The following VWF variants were observed in gnomAD, a reference collection of about 807,000 sequenced individuals.
The protein encoded by VWF is von Willebrand factor.
VWF carries 176 observed loss-of-function variants against 308.6 expected under a neutral mutation model. The ratio of observed to expected loss-of-function variants is 0.57; its 90% CI spans 0.50 to 0.65. The LOEUF is 0.65. VWF is among the 30% of genes least tolerant of loss of function. The pLI is 0.00. For synonymous variants in VWF, 1,385 were observed against 1,443.4 expected, an observed-to-expected ratio of 0.96 and a Z score of 0.92; for missense variants, 3,146 against 3,648.2, an observed-to-expected ratio of 0.86 and a Z score of 3.55.
At chr12:5,992,274 G>A (rs770073030) in intron 37 of VWF, among the ~76,000 whole-genome samples, 3 of 152,222 alleles carry the variant, frequency 2.0e-5, no homozygotes, top group Non-Finnish European at 4.4e-5. Flanking sequence ...CCAATGAACT[G>A]TAAAAGAAAG....
intron 5 of VWF, among the ~76,000 whole-genome samples, chr12:6,106,352 T>G (rs1160448038): frequency 6.6e-6 from 1 of 152,180 alleles, no homozygotes; most frequent in Non-Finnish European, 1.5e-5. Flanking sequence ...AGACAAATGC[T>G]GTATGATTCC....
At chr12:6,104,815 G>A (rs1196082287) in intron 5 of VWF, among the ~76,000 whole-genome samples, 1 of 152,154 alleles carries the variant, frequency 6.6e-6, no homozygotes, top group Non-Finnish European at 1.5e-5. Context: ...TATTTATTGT[G>A]CATTATTCAC....
chr12:6,022,117 C>T, intron 26 of VWF, 82 bp from the exon 27 acceptor site: 3 of 1,584,562 alleles, frequency 1.9e-6, no homozygotes, highest in Non-Finnish European at 8.7e-7. Context: ...AAGGGAGGAG[C>T]CAACTCCTCC....
Position 6,121,225 on chromosome 12 carries a change from A to T in VWF, c.169T>A (p.Cys57Ser), listed in dbSNP as rs779874391. ...DGSMYSFAGY[C>S]SYLLAGGCQK... ...CAGCCCCCTGCCAGGAGGTAACTGC[A>T]GTATCCCGCAAAGCTGTACATGCTC... The change falls in exon 3 of 52, where the codon TGC (cysteine) becomes AGC (serine). Residue 57 changes from cysteine (C) to serine (S), a missense_variant. This residue lies in a region of VWF where 1,304 missense variants were observed against 1,353.0 expected (regional missense o/e 0.96). Coordinates refer to ENST00000261405, the MANE Select transcript of VWF (RefSeq NM_000552.5). 1.2e-6 allele frequency: 2 copies of T among 1,614,238 alleles called. No individual in the cohort carries two copies. Among genetic ancestry groups the T allele is most frequent in the South Asian group, 2.2e-5 (2 of 91,090 alleles).
intron 19 of VWF, among the ~76,000 whole-genome samples, chr12:6,036,092 T>C (rs1038630605): frequency 2.0e-5 from 3 of 152,242 alleles, no homozygotes; most frequent in Non-Finnish European, 4.4e-5. Context: ...ATTATGTATA[T>C]GCAAATATTT....
At chr12:6,103,958 A>C (rs1945212345) in intron 5 of VWF, among the ~76,000 whole-genome samples, 1 of 152,250 alleles carries the variant, frequency 6.6e-6, no homozygotes, top group South Asian at 2.1e-4. Context: ...AGCAAAAGAA[A>C]TCATCAACAG....
chr12:6,001,245 A>C (rs933027051), intron 34 of VWF, among the ~76,000 whole-genome samples: 1 of 152,228 alleles, frequency 6.6e-6, no homozygotes, highest in Non-Finnish European at 1.5e-5. Flanking sequence ...TAAATGAAAA[A>C]TATATAACAA....
In VWF at chr12:6,036,675, A is replaced by T. The variant is rs560733296; in HGVS notation, c.2443-184T>A. Among the ~76,000 whole-genome samples the T allele has an allele frequency of 3.2e-4, 48 of 152,290 alleles. 1 individual carries two copies. Among genetic ancestry groups the T allele is most frequent in the Admixed American group, 3.1e-3 (48 of 15,294 alleles). ...CACTGCAGGCCAAGCCAGGACAGGG[A>T]TCCTATGCCCAGGCCAGGGCTTGGC... On this transcript the variant is annotated intron_variant, in intron 18 of 51. Transcript: ENST00000261405.
chr12:6,048,865 C>G (rs1944476350), intron 16 of VWF, among the ~76,000 whole-genome samples: 1 of 152,216 alleles, frequency 6.6e-6, no homozygotes, highest in Non-Finnish European at 1.5e-5. Flanking sequence ...CGTGCAGAAC[C>G]CGTGCCTTCT....
chr12:6,023,513 A>G (rs568515089), intron 25 of VWF, 118 bp downstream of exon 25: 1 of 1,476,352 alleles, frequency 6.8e-7, no homozygotes, highest in African/African-American at 1.4e-5. Flanking sequence ...TCCAGTCCCT[A>G]CTAACACTCT....
At position 5,984,993 on chromosome 12, in the gene VWF, C is replaced by T. The variant is rs371872789; in HGVS notation, c.6976+52G>A. On this transcript the variant is annotated intron_variant, in intron 40 of 51. Transcript: ENST00000261405. ...CCTTTCAGCACCTTCAACGTGGTGC[C>T]CCCTGGGGCTAGGGTTGGGCCCTGG... The T allele has an allele frequency of 6.7e-5, 107 of 1,587,598 alleles. No individual in the cohort carries two copies. The African/African-American group carries it at 1.2e-3, about 18-fold the overall frequency.
chr12:6,037,788 A>G (rs1303560071), intron 18 of VWF, among the ~76,000 whole-genome samples: 1 of 152,172 alleles, frequency 6.6e-6, no homozygotes, highest in South Asian at 2.1e-4. Flanking sequence ...CACTCCCCAG[A>G]CAAGTCTGAG....
chr12:6,045,743 G>A (rs749180001), intron 17 of VWF, among the ~76,000 whole-genome samples: 3 of 152,254 alleles, frequency 2.0e-5, no homozygotes, highest in Non-Finnish European at 4.4e-5. Flanking sequence ...TGGAAAGTGA[G>A]AGGCAGAGAG....
intron 27 of VWF, 43 bp downstream of exon 27, chr12:6,021,857 C>T: frequency 6.2e-7 from 1 of 1,613,830 alleles, no homozygotes; most frequent in South Asian, 1.1e-5. Flanking sequence ...CCTGGAGAAG[C>T]AATAAGATTC....
intron 34 of VWF, among the ~76,000 whole-genome samples, chr12:6,004,717 T>TATATATAG (rs71445691): frequency 0.56 from 83,447 of 149,140 alleles, 23,658 homozygotes; most frequent in East Asian, 0.73. Flanking sequence ...ATATATAGGT[T>TATATATAG]ATATATAGAT....
At chr12:6,076,175 C>G (rs1021798047) in intron 6 of VWF, among the ~76,000 whole-genome samples, 1 of 152,162 alleles carries the variant, frequency 6.6e-6, no homozygotes, top group Non-Finnish European at 1.5e-5. Context: ...AGACACACTG[C>G]AGCAAGCACG....
Position 6,071,303 on chromosome 12 carries a change from A to G in VWF, c.1150T>C (p.Cys384Arg), listed in dbSNP as rs762146804. The change falls in exon 10 of 52, where the codon TGT (cysteine) becomes CGT (arginine). Residue 384 changes from cysteine to arginine, a missense_variant. Physicochemically the swap from Cys to Arg is radical, Grantham distance 180. Around this residue, in one of 3 missense-constraint regions of VWF, gnomAD observed 1,304 missense variants for 1,353.0 expected, o/e 0.96. Transcript: ENST00000261405. ...TGAGCGGCAGGTCGCCTACCTGGAC[A>G]TTCTTCATTGCTGCAGATCCACTGG... Reference protein sequence around the residue: ...NSQWICSNEECPGECLVTGQS... With the variant: ...NSQWICSNEERPGECLVTGQS... 6 of 1,614,172 alleles carry G rather than the reference A, an allele frequency of 3.7e-6. No homozygotes were observed. The East Asian group carries it at 1.3e-4, about 36-fold the overall frequency.
chr12:6,032,421 C>T (rs1412781458), intron 20 of VWF, among the ~76,000 whole-genome samples: 7 of 151,626 alleles, frequency 4.6e-5, no homozygotes, highest in South Asian at 2.1e-4. Context: ...GGGCGGATCA[C>T]GAGGTCAGGA....
Position 6,019,390 on chromosome 12 carries a change from A to G in VWF, c.4028T>C (p.Ile1343Thr). 6.2e-7 allele frequency: 1 copy of G among 1,613,870 alleles called. No homozygotes were observed. The highest frequency in any genetic ancestry group is 2.2e-5 in the East Asian group (1 of 44,864). Reference protein sequence around the residue: ...DRKRPSELRRIASQVKYAGSQ... With the variant: ...DRKRPSELRRTASQVKYAGSQ... ...GCCCGCATACTTCACCTGGCTGGCA[A>G]TGCGCCGCAGCTCTGACGGTCGCTT... The change falls in exon 28 of 52, where the codon ATT (isoleucine) becomes ACT (threonine). Residue 1343 changes from isoleucine to threonine, a missense_variant. Ile to Thr is a moderately conservative substitution (Grantham distance 89). Transcript: ENST00000261405. This position sits in a 1 kb window ranked among gnomAD's most constrained non-coding sequence, Gnocchi z 5.8.
Sources: gnomAD v4.1 joint callset for allele counts (sites outside exome capture counted in the v4.1 genomes callset) on GRCh38, gnomAD v4.1.1 for gene constraint, gnomAD v4.1.1 regional missense constraint, Gnocchi (gnomAD v3.1) non-coding constraint, MANE v1.5 for transcripts, NCBI Gene and HGNC (gene_info 2026-07-23, HGNC 2026-07-21) for gene names.